The following LRRC37A2 variants were observed in gnomAD, a reference collection of about 807,000 sequenced individuals.
The protein encoded by LRRC37A2 is leucine rich repeat containing 37 member A2.
Under a neutral mutation model 68.8 loss-of-function variants are expected in LRRC37A2, and 9 were observed. The ratio of observed to expected loss-of-function variants is 0.13; its 90% CI spans 0.08 to 0.23. The LOEUF is 0.23. Among genes scored for constraint, LRRC37A2 ranks in the 10% least tolerant of loss-of-function variants. The pLI, the probability that LRRC37A2 is intolerant of heterozygous loss-of-function variation, is 1.00. For synonymous variants in LRRC37A2, 63 were observed against 367.6 expected (o/e 0.17, Z 9.48); for missense variants, 168 against 950.4 (o/e 0.18, Z 10.82).
chr17:46,770,279 C>T, the LRRC37A2 span, among the ~76,000 whole-genome samples: 2 of 152,226 alleles, frequency 1.3e-5, no homozygotes, highest in Non-Finnish European at 2.9e-5. Flanking sequence ...TGCTGATTAG[C>T]TCAGGACCTC....
the LRRC37A2 span, among the ~76,000 whole-genome samples, chr17:47,007,629 G>T: frequency 6.6e-6 from 1 of 152,118 alleles, no homozygotes; most frequent in African/African-American, 2.4e-5. Flanking sequence ...GCCAATAACT[G>T]TTCGAGAATG....
the LRRC37A2 span, among the ~76,000 whole-genome samples, chr17:46,976,133 A>G: frequency 1.3e-5 from 2 of 151,494 alleles, no homozygotes; most frequent in Non-Finnish European, 2.9e-5. Flanking sequence ...TCACTGTGTT[A>G]GCCAGGATGG....
At chr17:46,859,666 G>A in the LRRC37A2 span, among the ~76,000 whole-genome samples, 1 of 152,104 alleles carries the variant, frequency 6.6e-6, no homozygotes, top group Non-Finnish European at 1.5e-5. Context: ...AAATTGCATG[G>A]GCTATTCAGG....
the LRRC37A2 span, among the ~76,000 whole-genome samples, chr17:46,737,930 TA>T: frequency 6.8e-6 from 1 of 146,668 alleles, no homozygotes; most frequent in Non-Finnish European, 1.5e-5. Flanking sequence ...TTATTATTAT[TA>T]TTATTATTAT....
At chr17:46,749,857 A>G in the LRRC37A2 span, 4 of 1,614,168 alleles carry the variant, frequency 2.5e-6, 1 homozygote, top group Non-Finnish European at 3.4e-6. Flanking sequence ...CAGCACCACC[A>G]TCCACGTGCC....
the LRRC37A2 span, among the ~76,000 whole-genome samples, chr17:46,449,753 T>C: frequency 1.0e-5 from 1 of 100,370 alleles, no homozygotes; most frequent in African/African-American, 4.3e-5. Flanking sequence ...AGGTTTGATT[T>C]TCTTTTTTTT....
At chr17:46,544,455 C>T (rs1216130385) in intron 8 of LRRC37A2, among the ~76,000 whole-genome samples, 12 of 1,764 alleles carry the variant, frequency 6.8e-3, no homozygotes, top group Non-Finnish European at 8.7e-3. Context: ...CTCTGCAACA[C>T]AATAATTATA....
At chr17:46,862,386 G>C in the LRRC37A2 span, among the ~76,000 whole-genome samples, 2 of 152,082 alleles carry the variant, frequency 1.3e-5, no homozygotes, top group Non-Finnish European at 2.9e-5. Context: ...TACAGGTTGG[G>C]ATAAACAAAG....
chr17:46,947,460 G>A, the LRRC37A2 span, among the ~76,000 whole-genome samples: 1 of 152,220 alleles, frequency 6.6e-6, no homozygotes, highest in Non-Finnish European at 1.5e-5. Flanking sequence ...TTACGTTCAT[G>A]CTGCTGAGAT....
At chr17:46,808,273 G>A in the LRRC37A2 span, among the ~76,000 whole-genome samples, 1 of 152,342 alleles carries the variant, frequency 6.6e-6, no homozygotes, top group South Asian at 2.1e-4. Flanking sequence ...AGGACAGCCT[G>A]ATGGCTTGTG....
At chr17:46,977,529 C>G in the LRRC37A2 span, among the ~76,000 whole-genome samples, 2 of 152,242 alleles carry the variant, frequency 1.3e-5, no homozygotes, top group South Asian at 2.1e-4. Context: ...AAGTTAGCAC[C>G]TGCAGGAGGC....
the LRRC37A2 span, among the ~76,000 whole-genome samples, chr17:46,901,375 C>T: frequency 1.7e-3 from 256 of 151,964 alleles, 1 homozygote; most frequent in African/African-American, 5.9e-3. Flanking sequence ...TTGGCCAGGC[C>T]GGTCTTTAAC....
At chr17:46,810,361 C>A in the LRRC37A2 span, among the ~76,000 whole-genome samples, 911 of 152,256 alleles carry the variant, frequency 6.0e-3, 7 homozygotes, top group Middle Eastern at 0.017. Context: ...CTGGAAAGAA[C>A]CTGACACTTC....
At chr17:46,840,303 G>T in the LRRC37A2 span, among the ~76,000 whole-genome samples, 2 of 152,062 alleles carry the variant, frequency 1.3e-5, no homozygotes, top group African/African-American at 4.8e-5. Flanking sequence ...AGCCAGGATG[G>T]TCTCGATCTC....
chr17:46,760,288 G>T, the LRRC37A2 span, among the ~76,000 whole-genome samples: 1 of 151,656 alleles, frequency 6.6e-6, no homozygotes. Context: ...ATTACAAATG[G>T]TCTTCATTAG....
At chr17:46,500,311 C>T in the LRRC37A2 span, among the ~76,000 whole-genome samples, 3 of 135,666 alleles carry the variant, frequency 2.2e-5, no homozygotes, top group African/African-American at 8.9e-5. Context: ...CATCAGTTTC[C>T]AAAATCCTAC....
the LRRC37A2 span, chr17:46,876,549 GTAGGGTGTGCT>G: frequency 6.2e-7 from 1 of 1,613,660 alleles, no homozygotes; most frequent in Non-Finnish European, 8.5e-7. Flanking sequence ...GGCACAGCAG[GTAGGGTGTGCT>G]CCCGGGAGGC....
chr17:46,876,528 A>G, the LRRC37A2 span: 1 of 1,613,628 alleles, frequency 6.2e-7, no homozygotes, highest in Non-Finnish European at 8.5e-7. Context: ...CGGCCCAGCA[A>G]GTACTCACCT....
At chr17:46,709,021 C>CA in the LRRC37A2 span, among the ~76,000 whole-genome samples, 1 of 151,512 alleles carries the variant, frequency 6.6e-6, no homozygotes, top group Non-Finnish European at 1.5e-5. Flanking sequence ...GACGAGGTTT[C>CA]ACTTTGTTGG....
Sources: allele counts gnomAD v4.1 joint callset (sites outside exome capture counted in the v4.1 genomes callset), GRCh38; gene constraint gnomAD v4.1.1; transcripts MANE v1.5; gene names NCBI Gene and HGNC (gene_info 2026-07-23, HGNC 2026-07-21).